Variants in DIAPH2 observed in about 807,000 individuals in gnomAD.
The protein encoded by DIAPH2 is protein diaphanous homolog 2.
DIAPH2 carries 35 observed loss-of-function variants against 92.7 expected under a neutral mutation model. The ratio of observed to expected loss-of-function variants is 0.38; its 90% CI spans 0.29 to 0.50. DIAPH2 has a LOEUF of 0.50. Among genes scored for constraint, DIAPH2 ranks in the 20% least tolerant of loss-of-function variants. DIAPH2 has a pLI of 0.94. For synonymous variants in DIAPH2, 301 were observed against 280.4 expected (o/e 1.07, Z -0.73); for missense variants, 701 against 819.5 (o/e 0.86, Z 1.77).
intron 19 of DIAPH2, among the ~76,000 whole-genome samples, chrX:97,099,259 G>C (rs1403597470): frequency 9.1e-6 from 1 of 110,290 alleles, no homozygotes; most frequent in Non-Finnish European, 1.9e-5. Flanking sequence ...CCAGCTACTC[G>C]TGAGGCTGAG....
At chrX:97,535,876 A>G (rs1055209100) in intron 26 of DIAPH2, among the ~76,000 whole-genome samples, 13 of 112,720 alleles carry the variant, frequency 1.2e-4, no homozygotes, top group African/African-American at 2.9e-4. Flanking sequence ...ACTATATGTT[A>G]TAGAGAATAA....
chrX:97,034,770 T>G (rs771939074), intron 17 of DIAPH2, among the ~76,000 whole-genome samples: 18 of 111,281 alleles, frequency 1.6e-4, no homozygotes, highest in Non-Finnish European at 3.2e-4. Flanking sequence ...TTTAAAAGTG[T>G]GTATGTGTGG....
chrX:97,127,506 T>C (rs777766342), intron 21 of DIAPH2, among the ~76,000 whole-genome samples: 1 of 112,382 alleles, frequency 8.9e-6, no homozygotes, highest in African/African-American at 3.2e-5. Flanking sequence ...TCAGATCACT[T>C]TATGCTTCCA....
intron 17 of DIAPH2, among the ~76,000 whole-genome samples, chrX:97,007,761 C>CCTTTTTTTTTTTTTTTT (rs1291521889): frequency 1.2e-5 from 1 of 80,997 alleles, no homozygotes; most frequent in African/African-American, 4.9e-5. Flanking sequence ...TTCTTTTTTT[C>CCTTTTTTTTTTTTTTTT]TTTTTTTTTT....
intron 24 of DIAPH2, among the ~76,000 whole-genome samples, chrX:97,371,148 A>G (rs752420014): frequency 1.8e-5 from 2 of 111,799 alleles, no homozygotes; most frequent in Non-Finnish European, 3.8e-5. Flanking sequence ...TCTAACAAGT[A>G]GAGAACACCC....
chrX:96,907,248 C>G (rs1241230867), intron 5 of DIAPH2, among the ~76,000 whole-genome samples: 1 of 112,067 alleles, frequency 8.9e-6, no homozygotes, highest in Non-Finnish European at 1.9e-5. Context: ...TAGCTGAAGT[C>G]TCCAGTTATC....
rs759756428 is a variant in DIAPH2 at position 97,198,398 on chromosome X, T to G, written c.2720-49317T>G. 9.1e-5 allele frequency among the ~76,000 whole-genome samples: 10 copies of G among 109,947 alleles called. No individual in the cohort carries two copies. In the East Asian group the frequency reaches 2.8e-3, roughly 31 times the overall value. On this transcript the variant is annotated intron_variant, in intron 22 of 26. Coordinates refer to ENST00000324765, the MANE Select transcript of DIAPH2 (RefSeq NM_006729.5). Reference sequence around the variant, plus strand: ...TTTTAATATACCCTTTAAGCTAAACTTGTCCATTGTTACACGTGGTCACAG... The same window carrying G: ...TTTTAATATACCCTTTAAGCTAAACGTGTCCATTGTTACACGTGGTCACAG...
chrX:96,879,155 C>A (rs772264991), intron 4 of DIAPH2, among the ~76,000 whole-genome samples: 24 of 111,581 alleles, frequency 2.2e-4, no homozygotes, highest in African/African-American at 7.5e-4. Context: ...AACTAAATTA[C>A]AAAAATAAAT....
At chrX:96,735,498 C>T (rs1388489354) in intron 1 of DIAPH2, among the ~76,000 whole-genome samples, 2 of 111,182 alleles carry the variant, frequency 1.8e-5, no homozygotes, top group South Asian at 3.8e-4. Context: ...GTGGTAGTGA[C>T]GTCTGATTTA....
chrX:96,926,823 G>A lies in DIAPH2; in HGVS notation c.979-3910G>A, dbSNP rs753794516. ...AATTGTATTTACTAATTAAACATCA[G>A]AATTGTGGCCCTAGCATATGTATTA... On this transcript the variant is annotated intron_variant, in intron 9 of 26. Coordinates refer to ENST00000324765, the MANE Select transcript of DIAPH2 (RefSeq NM_006729.5). 1.9e-4 allele frequency among the ~76,000 whole-genome samples: 21 copies of A among 111,301 alleles called. 1 individual carries two copies. The South Asian group carries it at 2.6e-3, about 14-fold the overall frequency.
intron 4 of DIAPH2, among the ~76,000 whole-genome samples, chrX:96,817,078 G>A (rs1218571546): frequency 8.9e-6 from 1 of 111,748 alleles, no homozygotes; most frequent in African/African-American, 3.3e-5. Context: ...CAGTGGCTGG[G>A]AAGCGTAGTG....
intron 26 of DIAPH2, among the ~76,000 whole-genome samples, chrX:97,498,907 C>T (rs2070777372): frequency 9.0e-6 from 1 of 111,032 alleles, no homozygotes; most frequent in South Asian, 3.9e-4. Context: ...AGAGAAGTTC[C>T]CTGAGGACTG....
chrX:97,429,581 T>C, intron 25 of DIAPH2, 69 bp from the exon 26 acceptor site: 1 of 1,158,413 alleles, frequency 8.6e-7, no homozygotes, highest in East Asian at 3.1e-5. Flanking sequence ...ACAGGAGTTT[T>C]TCCCTTTATT....
At chrX:96,759,707 A>T (rs1408045359) in intron 4 of DIAPH2, among the ~76,000 whole-genome samples, 2 of 111,624 alleles carry the variant, frequency 1.8e-5, no homozygotes, top group Non-Finnish European at 3.8e-5. Context: ...GGTTTTAATG[A>T]TAAGATTTTG....
Position 97,438,355 on chromosome X carries a change from G to GTTTTTTTTTT in DIAPH2, c.3241+8613_3241+8614insTTTTTTTTTT, listed in dbSNP as rs1275825737. 4.3e-4 allele frequency among the ~76,000 whole-genome samples: 18 copies of GTTTTTTTTTT among 41,839 alleles called. 1 individual carries two copies. The highest frequency in any genetic ancestry group is 4.9e-4 in the Non-Finnish European group (11 of 22,480). The allele number at this position is 41,839 out of a possible 115,157, so 36.3% of individuals were successfully genotyped here. On this transcript the variant is annotated intron_variant, in intron 26 of 26. Transcript: ENST00000324765. ...AGCTTCTTGTTTTTTTTTTTTGTTT[G>GTTTTTTTTTT]TTTGTTTTTTTTTTTTTTTTTTTTT...
chrX:96,812,711 G>T (rs985335639), intron 4 of DIAPH2, among the ~76,000 whole-genome samples: 6 of 111,705 alleles, frequency 5.4e-5, no homozygotes, highest in Non-Finnish European at 9.4e-5. Context: ...AGAGATTCTG[G>T]TACACTGTGT....
chrX:96,723,347 G>A (rs2064000089), intron 1 of DIAPH2, among the ~76,000 whole-genome samples: 1 of 111,936 alleles, frequency 8.9e-6, no homozygotes, highest in Admixed American at 9.4e-5. Context: ...AGCTTGATCT[G>A]TAATCATGTC....
At chrX:97,404,392 T>C (rs1344523641) in intron 25 of DIAPH2, among the ~76,000 whole-genome samples, 1 of 112,194 alleles carries the variant, frequency 8.9e-6, no homozygotes, top group Non-Finnish European at 1.9e-5. Context: ...TGTAAAACTC[T>C]TGAAAACTTT....
At chrX:97,340,997 T>G (rs1344424737) in intron 23 of DIAPH2, 1 of 104,883 alleles carries the variant, frequency 9.5e-6, no homozygotes, top group Non-Finnish European at 2.0e-5. Context: ...TTTTTTTTTT[T>G]TTTTTTTTTT....
Sources: allele counts gnomAD v4.1 joint callset (sites outside exome capture counted in the v4.1 genomes callset), GRCh38; gene constraint gnomAD v4.1.1; transcripts MANE v1.5; gene names NCBI Gene and HGNC (gene_info 2026-07-23, HGNC 2026-07-21).